DAP3: variants seen among roughly 807,000 people sequenced by gnomAD.
DAP3 encodes small ribosomal subunit protein mS29.
DAP3 carries 28 observed loss-of-function variants against 51.9 expected under a neutral mutation model. The observed-to-expected ratio is 0.54, with a 90% CI of 0.40 to 0.74. The LOEUF is 0.74. Among genes scored for constraint, DAP3 ranks in the 30% least tolerant of loss-of-function variants. The pLI, the probability that DAP3 is intolerant of heterozygous loss-of-function variation, is 0.00. For missense variants in DAP3, 458 were observed against 483.5 expected (o/e 0.95, Z 0.49); for synonymous variants, 170 against 170.3 (o/e 1.00, Z 0.01).
At chr1:155,716,719 G>A (rs1034711182) in intron 2 of DAP3, among the ~76,000 whole-genome samples, 1 of 152,154 alleles carries the variant, frequency 6.6e-6, no homozygotes, top group Non-Finnish European at 1.5e-5. Flanking sequence ...GCAGAGGCGG[G>A]CAGATCACCT....
chr1:155,731,402 T>C lies in DAP3; in HGVS notation c.890T>C (p.Met297Thr), dbSNP rs1459731258. 1.2e-6 allele frequency: 2 copies of C among 1,614,100 alleles called. No homozygotes were observed. Among genetic ancestry groups the C allele is most frequent in the South Asian group, 1.1e-5 (1 of 91,082 alleles). ...CTTGTTCACAACTTGAGGAAAATGA[T>C]GAAAAATGATTGGGTAAGTGCATAT... ...LALVHNLRKM[M>T]KNDWHGGAIV... The change falls in exon 10 of 13, where the codon ATG becomes ACG. Residue 297 changes from methionine to threonine, a missense_variant. Transcript: ENST00000368336.
Position 155,737,044 on chromosome 1 carries a change from T to G in DAP3, c.1092T>G (p.Asn364Lys). 1 of 1,613,570 alleles carries G rather than the reference T, an allele frequency of 6.2e-7. No individual in the cohort carries two copies. Among genetic ancestry groups the G allele is most frequent in the Non-Finnish European group, 8.5e-7 (1 of 1,179,534 alleles). ...GTATTCAGTATTATTTGGAAAACAA[T>G]TGGCTTCAACATGAGAAAGGTCCAT... is the stretch of plus-strand genomic sequence containing the variant. Reference protein sequence around the residue: ...ESCIQYYLENNWLQHEKAPTE... With the variant: ...ESCIQYYLENKWLQHEKAPTE... Residue 364 changes from asparagine to lysine, a missense_variant, in exon 12 of 13, where the codon AAT becomes AAG. Asn to Lys is a moderately conservative substitution (Grantham distance 94, BLOSUM62 0). Coordinates refer to ENST00000368336, the MANE Select transcript of DAP3 (RefSeq NM_004632.4).
At chr1:155,725,584 C>T (rs994250679) in intron 5 of DAP3, 94 bp downstream of exon 5, 28 of 1,202,138 alleles carry the variant, frequency 2.3e-5, no homozygotes, top group East Asian at 4.7e-5. Context: ...CTGTTGAGGC[C>T]GGGCATGGTA....
chr1:155,693,285 C>T lies in DAP3; in HGVS notation c.-8+4111C>T, dbSNP rs923641591. ...ACATAAAAGGAGGCTTGACACAGCT[C>T]TGAATGGGCGCCATTCGGTTGGAAG... is the stretch of plus-strand genomic sequence containing the variant. On this transcript the variant is annotated intron_variant, in intron 1 of 12. Transcript: ENST00000368336. Among the ~76,000 whole-genome samples the T allele has an allele frequency of 2.1e-5, 3 of 141,934 alleles. No homozygotes were observed. In the South Asian group the frequency reaches 6.2e-4, roughly 29 times the overall value. The allele number at this position is 141,934 out of a possible 152,430, so 93.1% of individuals were successfully genotyped here. A position where few individuals can be genotyped will look rare whatever the true frequency, so the allele number is the denominator to read the frequency against.
chr1:155,704,892 C>T (rs999958877), intron 1 of DAP3, among the ~76,000 whole-genome samples: 2 of 151,204 alleles, frequency 1.3e-5, no homozygotes, highest in African/African-American at 4.9e-5. Context: ...GGCAGGAGAA[C>T]TGTTTGAACT....
At chr1:155,733,956 C>A (rs758439447) in intron 11 of DAP3, among the ~76,000 whole-genome samples, 2 of 152,128 alleles carry the variant, frequency 1.3e-5, no homozygotes, top group Non-Finnish European at 2.9e-5. Flanking sequence ...GAGTTTGAGA[C>A]CAGCCTGGGC....
rs550539901 is a variant in DAP3, at chr1:155,717,176, G to A, written c.168+48G>A. ...GGGTTTCTCAGGGCTTATGATTTGT[G>A]TTCCTGTCCTCATTTTGCATAGGAA... On this transcript the variant is annotated intron_variant, in intron 3 of 12. Transcript: ENST00000368336. 103 of 1,584,404 alleles carry A rather than the reference G, an allele frequency of 6.5e-5. 1 individual carries two copies. In the South Asian group the frequency reaches 1.2e-3, roughly 18 times the overall value.
intron 9 of DAP3, 33 bp from the exon 10 acceptor site, chr1:155,731,320 GTGA>G (rs1341010726): frequency 2.5e-6 from 4 of 1,598,736 alleles, no homozygotes; most frequent in Admixed American, 3.3e-5. Context: ...GGAAAGGCAC[GTGA>G]TGATCTCTTC....
intron 3 of DAP3, 58 bp downstream of exon 3, chr1:155,717,186 T>C: frequency 6.3e-7 from 1 of 1,579,910 alleles, no homozygotes; most frequent in African/African-American, 1.4e-5. Flanking sequence ...GTTCCTGTCC[T>C]CATTTTGCAT....
At chr1:155,707,226 A>T (rs1370838894) in intron 1 of DAP3, among the ~76,000 whole-genome samples, 4 of 152,152 alleles carry the variant, frequency 2.6e-5, no homozygotes, top group African/African-American at 7.2e-5. Context: ...ATCCTGGCTA[A>T]CATGGTGAAA....
intron 7 of DAP3, 42 bp from the exon 8 acceptor site, chr1:155,729,000 G>T: frequency 6.2e-7 from 1 of 1,605,002 alleles, no homozygotes; most frequent in Non-Finnish European, 8.5e-7. Context: ...CTTAGGCCAA[G>T]TAGCCTTTTT....
chr1:155,718,705 A>T (rs61817764), intron 3 of DAP3, among the ~76,000 whole-genome samples: 21 of 140,942 alleles, frequency 1.5e-4, no homozygotes, highest in African/African-American at 2.4e-4. Flanking sequence ...AAAAGAAAGA[A>T]AGATAGATAG....
At chr1:155,728,043 C>T (rs1298109253) in intron 7 of DAP3, among the ~76,000 whole-genome samples, 1 of 151,930 alleles carries the variant, frequency 6.6e-6, no homozygotes, top group Non-Finnish European at 1.5e-5. Context: ...ATGATTTTCT[C>T]CAGACAATAT....
chr1:155,736,892 G>C, intron 11 of DAP3, 54 bp from the exon 12 acceptor site: 1 of 1,385,838 alleles, frequency 7.2e-7, no homozygotes, highest in Non-Finnish European at 1.0e-6. Flanking sequence ...GAGTCTGTCT[G>C]TCTGGTGCTT....
At chr1:155,698,084 T>A (rs921365585) in intron 1 of DAP3, among the ~76,000 whole-genome samples, 1 of 152,218 alleles carries the variant, frequency 6.6e-6, no homozygotes, top group Non-Finnish European at 1.5e-5. Context: ...ATCGTTGTTA[T>A]CCTGTTCTTT....
chr1:155,736,082 G>T (rs1188535740), intron 11 of DAP3, among the ~76,000 whole-genome samples: 1 of 149,418 alleles, frequency 6.7e-6, no homozygotes, highest in Non-Finnish European at 1.5e-5. Flanking sequence ...CTTGTGATCT[G>T]CCCGCCTCAG....
intron 1 of DAP3, among the ~76,000 whole-genome samples, chr1:155,701,908 G>C (rs551011421): frequency 6.6e-6 from 1 of 150,438 alleles, no homozygotes; most frequent in Non-Finnish European, 1.5e-5. Flanking sequence ...AGCAGGTTTC[G>C]TAGTGCTTTT....
chr1:155,693,212 A>G (rs906481593), intron 1 of DAP3, among the ~76,000 whole-genome samples: 3 of 141,694 alleles, frequency 2.1e-5, no homozygotes, highest in African/African-American at 3.2e-5. Flanking sequence ...CAGTTTTGAC[A>G]AGTAATAGTT....
At chr1:155,728,855 G>A (rs1658890547) in intron 7 of DAP3, among the ~76,000 whole-genome samples, 187 bp from the exon 8 acceptor site, 1 of 116,534 alleles carries the variant, frequency 8.6e-6, no homozygotes, top group Admixed American at 8.4e-5. Context: ...GAAAGAAGCT[G>A]TCTCAAAAAA....
Sources: allele counts gnomAD v4.1 joint callset (sites outside exome capture counted in the v4.1 genomes callset), GRCh38; gene constraint gnomAD v4.1.1; transcripts MANE v1.5; gene names NCBI Gene and HGNC (gene_info 2026-07-23, HGNC 2026-07-21).